Variants in CEP164 observed in about 807,000 individuals in gnomAD.
CEP164 encodes the protein centrosomal protein 164.
In CEP164, 162 loss-of-function variants were observed where a neutral mutation model predicts 182.7. That is an observed-to-expected ratio of 0.89 (90% CI 0.78 to 1.01). The LOEUF (loss-of-function observed/expected upper bound fraction) is 1.01. CEP164 is among the 50% of genes least tolerant of loss of function. The pLI, the probability that CEP164 is intolerant of heterozygous loss-of-function variation, is 0.00. For missense variants in CEP164, 1,735 were observed against 1,790.4 expected (o/e 0.97, Z 0.56); for synonymous variants, 661 against 690.0 (o/e 0.96, Z 0.66).
intron 8 of CEP164, among the ~76,000 whole-genome samples, chr11:117,363,759 CTTTT>C (rs72255760): frequency 3.4e-5 from 2 of 58,438 alleles, no homozygotes; most frequent in Non-Finnish European, 3.1e-5. Context: ...ACCTCCAATG[CTTTT>C]TTTTTTTTTT....
chr11:117,361,482 C>G (rs948067671), intron 5 of CEP164, among the ~76,000 whole-genome samples: 2 of 151,936 alleles, frequency 1.3e-5, no homozygotes, highest in Admixed American at 1.3e-4. Flanking sequence ...CCTCGTGATT[C>G]ACCCGGCTCT....
At chr11:117,357,380 A>T (rs1342650424) in intron 5 of CEP164, among the ~76,000 whole-genome samples, 1 of 145,760 alleles carries the variant, frequency 6.9e-6, no homozygotes, top group African/African-American at 2.5e-5. Context: ...AAGTGCTGGG[A>T]TTATAGACAT....
intron 4 of CEP164, among the ~76,000 whole-genome samples, chr11:117,346,234 C>A (rs566619484): frequency 7.4e-4 from 113 of 152,046 alleles, no homozygotes; most frequent in African/African-American, 2.5e-3. Context: ...GTGGCTAACA[C>A]CCTTTTTTAT....
Position 117,358,924 on chromosome 11 carries a change from G to T in CEP164, c.394-2911G>T, listed in dbSNP as rs1159872045. Among the ~76,000 whole-genome samples the T allele has an allele frequency of 4.0e-5, 6 of 151,484 alleles. No homozygotes were observed. The East Asian group carries it at 1.2e-3, about 29-fold the overall frequency. On this transcript the variant is annotated intron_variant, in intron 5 of 32. Coordinates refer to ENST00000278935, the MANE Select transcript of CEP164 (RefSeq NM_014956.5). ...TCCAATCCCATCTCTGCCCCTCACTGGCTCTGTGACTTTGGGCAGGGTTCT... is the reference window on the plus strand; with the variant it reads ...TCCAATCCCATCTCTGCCCCTCACTTGCTCTGTGACTTTGGGCAGGGTTCT...
At chr11:117,389,414 T>C (rs2044334888) in intron 15 of CEP164, among the ~76,000 whole-genome samples, 1 of 152,202 alleles carries the variant, frequency 6.6e-6, no homozygotes, top group Non-Finnish European at 1.5e-5. Context: ...TCAAATTCAA[T>C]TAATTTATTA....
intron 11 of CEP164, 148 bp downstream of exon 11, chr11:117,375,939 C>T (rs2042696621): frequency 1.5e-6 from 1 of 661,772 alleles, no homozygotes; most frequent in Non-Finnish European, 2.7e-6. Flanking sequence ...TCCTGACTGC[C>T]TTTCACGGGG....
In CEP164 at chr11:117,409,642, C is replaced by T. The variant is rs148424362; in HGVS notation, c.3773C>T (p.Ser1258Phe). 5.2e-4 allele frequency: 836 copies of T among 1,610,380 alleles called. 4 individuals carry two copies. The African/African-American group carries it at 0.01, about 19-fold the overall frequency. ...QRIDSTPSLTSRKIHGLSHSL... is the reference protein window; with the variant it reads ...QRIDSTPSLTFRKIHGLSHSL... ...GTCGACTCAACCCCGAGTCTCACCT[C>T]CCGCAAGATCCACGGGCTTAGCCAC... is the stretch of plus-strand genomic sequence containing the variant. Residue 1258 changes from serine to phenylalanine, a missense_variant, in exon 30 of 33, where the codon TCC (serine) becomes TTC (phenylalanine). Ser to Phe is a radical substitution (Grantham distance 155). Transcript: ENST00000278935. The surrounding 1 kb of genome is among the most constrained non-coding windows in gnomAD (Gnocchi z 4.4).
In CEP164 at chr11:117,395,625, C is replaced by T. The variant is rs1323529877; in HGVS notation, c.2992C>T (p.Arg998Ter). ...THLLQSNQQL[R>*]EILDELQARK... The stretch of plus-strand genomic sequence containing the variant: ...CCTGTTGCAGTCAAACCAGCAGCTC[C>T]GAGAAATTCTTGATGAGCTGCAGGC... Residue 998 changes from arginine to a stop codon, truncating the protein, a stop_gained, in exon 24 of 33, where the codon CGA becomes TGA. Transcript: ENST00000278935. LOFTEE classifies it high-confidence loss of function. The T allele has an allele frequency of 7.4e-6, 12 of 1,613,918 alleles. No individual in the cohort carries two copies. Among genetic ancestry groups the T allele is most frequent in the South Asian group, 1.1e-5 (1 of 91,048 alleles).
intron 28 of CEP164, chr11:117,408,572 G>A: frequency 2.7e-6 from 1 of 374,000 alleles, no homozygotes; most frequent in Non-Finnish European, 5.0e-6. Context: ...ACCCTGCTGT[G>A]AGGCAGCCTG....
At chr11:117,329,718 T>C (rs1330206940) in intron 1 of CEP164, among the ~76,000 whole-genome samples, 1 of 152,070 alleles carries the variant, frequency 6.6e-6, no homozygotes, top group African/African-American at 2.4e-5. Context: ...ATTTTTTGTA[T>C]TTTGGTAGAG....
Position 117,411,026 on chromosome 11 carries a change from T to A in CEP164, c.4163+132T>A, listed in dbSNP as rs2047293269. The A allele has an allele frequency of 3.8e-6, 3 of 782,954 alleles. No homozygotes were observed. The highest frequency in any genetic ancestry group is 6.3e-6 in the Non-Finnish European group (3 of 475,936). 48.5% of individuals were successfully genotyped at this position (782,954 alleles called of 1,614,324 possible). On this transcript the variant is annotated intron_variant, in intron 31 of 32. Coordinates refer to ENST00000278935, the MANE Select transcript of CEP164 (RefSeq NM_014956.5). This position sits in a 1 kb window ranked among gnomAD's most constrained non-coding sequence, Gnocchi z 4.4. ...CCCAAGAAATCAGGCAGGCCTCTAG[T>A]CCACAGAGCTGTCCCCGCTTGCCTG...
intron 8 of CEP164, among the ~76,000 whole-genome samples, chr11:117,367,394 G>T (rs2041761265): frequency 6.6e-6 from 1 of 152,210 alleles, no homozygotes; most frequent in Non-Finnish European, 1.5e-5. Flanking sequence ...TTTTAGGTAA[G>T]GCAGACTAGC....
Position 117,358,583 on chromosome 11 carries a change from G to A in CEP164, c.394-3252G>A, listed in dbSNP as rs193072112. 1.2e-4 allele frequency among the ~76,000 whole-genome samples: 16 copies of A among 129,552 alleles called. No individual in the cohort carries two copies. The East Asian group carries it at 3.5e-3, about 29-fold the overall frequency. 85.0% of individuals were successfully genotyped at this position (129,552 alleles called of 152,430 possible). ...TAAGAGACCAGAGTTTTGCTCTGTT[G>A]TCCATGCTGGAGTTCAATGGTGTGA... On this transcript the variant is annotated intron_variant, in intron 5 of 32. Coordinates refer to ENST00000278935, the MANE Select transcript of CEP164 (RefSeq NM_014956.5).
chr11:117,390,936 C>T (rs1304194049), intron 16 of CEP164, 28 bp downstream of exon 16: 2 of 1,613,838 alleles, frequency 1.2e-6, no homozygotes, highest in Admixed American at 3.3e-5. Flanking sequence ...TGTGAGCTGC[C>T]CAGCCCTGCG....
chr11:117,351,309 G>A (rs770893915), intron 4 of CEP164, among the ~76,000 whole-genome samples: 1 of 152,120 alleles, frequency 6.6e-6, no homozygotes, highest in Non-Finnish European at 1.5e-5. Flanking sequence ...CACTGCTCCC[G>A]GCAGGATTAT....
chr11:117,400,572 T>C (rs1464107022), intron 27 of CEP164, among the ~76,000 whole-genome samples: 1 of 152,226 alleles, frequency 6.6e-6, no homozygotes, highest in East Asian at 1.9e-4. Flanking sequence ...TAAATTACTT[T>C]GGGCAGTATG....
chr11:117,362,723 CT>C (rs112298587), intron 7 of CEP164, among the ~76,000 whole-genome samples, 185 bp downstream of exon 7: 34,080 of 151,744 alleles, frequency 0.22, 4,049 homozygotes, highest in African/African-American at 0.3. Context: ...CTATCCATTT[CT>C]TTTTTTTTCT....
chr11:117,349,223 A>G (rs1165043799), intron 4 of CEP164, among the ~76,000 whole-genome samples: 1 of 152,034 alleles, frequency 6.6e-6, no homozygotes, highest in African/African-American at 2.4e-5. Context: ...AGGTTTCACC[A>G]TGTTGGCCAG....
chr11:117,397,848 G>A (rs913365702), intron 27 of CEP164, among the ~76,000 whole-genome samples: 5 of 152,100 alleles, frequency 3.3e-5, no homozygotes, highest in African/African-American at 1.2e-4. Context: ...AGATTTTGGT[G>A]GGGACACAGA....
Sources: gnomAD v4.1 joint callset for allele counts (sites outside exome capture counted in the v4.1 genomes callset) on GRCh38, gnomAD v4.1.1 for gene constraint, Gnocchi (gnomAD v3.1) non-coding constraint, MANE v1.5 for transcripts, NCBI Gene and HGNC (gene_info 2026-07-23, HGNC 2026-07-21) for gene names.